The following GRIK4 variants were observed in gnomAD, a reference collection of about 807,000 sequenced individuals.
GRIK4 encodes glutamate receptor ionotropic, kainate 4.
GRIK4 carries 40 observed loss-of-function variants against 104.9 expected under a neutral mutation model. That is an observed-to-expected ratio of 0.38 (90% CI 0.30 to 0.50). The LOEUF (loss-of-function observed/expected upper bound fraction) is 0.50. Ranked by LOEUF, GRIK4 falls within the 20% of genes least tolerant of loss-of-function variation. The pLI is 0.93. For missense variants in GRIK4, 1,047 were observed against 1,308.1 expected, an observed-to-expected ratio of 0.80 and a Z score of 3.08; for synonymous variants, 485 against 524.9, an observed-to-expected ratio of 0.92 and a Z score of 1.04.
intron 11 of GRIK4, among the ~76,000 whole-genome samples, chr11:120,884,354 G>A (rs919282910): frequency 1.3e-5 from 2 of 152,186 alleles, no homozygotes; most frequent in African/African-American, 2.4e-5. Flanking sequence ...TTTGTGTGCC[G>A]TATTCCCGGA....
chr11:120,784,025 C>T (rs2135479020), intron 3 of GRIK4, among the ~76,000 whole-genome samples: 1 of 152,332 alleles, frequency 6.6e-6, no homozygotes, highest in Non-Finnish European at 1.5e-5. Flanking sequence ...TTCACACCCA[C>T]ATCCTAGATG....
At chr11:120,739,379 G>A (rs1042688642) in intron 3 of GRIK4, among the ~76,000 whole-genome samples, 7 of 152,166 alleles carry the variant, frequency 4.6e-5, no homozygotes, top group Non-Finnish European at 7.3e-5. Flanking sequence ...CTGCTTTGCT[G>A]CCCTCTGTGT....
chr11:120,711,804 C>T (rs1007041331), intron 3 of GRIK4, among the ~76,000 whole-genome samples: 1 of 152,214 alleles, frequency 6.6e-6, no homozygotes, highest in Non-Finnish European at 1.5e-5. Flanking sequence ...CCAGTGCCCT[C>T]AGGCCAGGAC....
In GRIK4 at chr11:120,940,279, T is replaced by C; in HGVS notation, c.1477-68T>C. ...CATCTCCAATAGCAGTGACGGTTGC[T>C]GGTCGCAAGTCTCTGTGCCTCTTCT... On this transcript the variant is annotated intron_variant, in intron 13 of 20. Transcript: ENST00000527524. The surrounding 1 kb of genome is among the most constrained non-coding windows in gnomAD (Gnocchi z 4.3). The C allele has an allele frequency of 8.7e-6, 8 of 914,386 alleles. No homozygotes were observed. The highest frequency in any genetic ancestry group is 1.4e-5 in the Non-Finnish European group (8 of 562,652). The allele number at this position is 914,386 out of a possible 1,614,324, so 56.6% of individuals were successfully genotyped here.
rs116483839 is a variant in GRIK4 at position 120,570,872 on chromosome 11, C to T, written c.-159+58985C>T. Among the ~76,000 whole-genome samples, 480 of 152,324 alleles carry T rather than the reference C, an allele frequency of 3.2e-3. 1 individual carries two copies. The highest frequency in any genetic ancestry group is 0.011 in the African/African-American group (450 of 41,566). On this transcript the variant is annotated intron_variant, in intron 1 of 20. Transcript: ENST00000527524. The stretch of plus-strand genomic sequence containing the variant: ...TGAATAGTCAGAATTTACATTATAT[C>T]TGTGTGAATATTATTTACAACTATT...
intron 3 of GRIK4, among the ~76,000 whole-genome samples, chr11:120,796,607 A>G (rs1286046579): frequency 1.3e-5 from 2 of 152,042 alleles, no homozygotes; most frequent in Admixed American, 6.6e-5. Context: ...AGGGAAAGGG[A>G]GAACAAGGGA....
chr11:120,521,390 T>C (rs1663390651), intron 1 of GRIK4, among the ~76,000 whole-genome samples: 3 of 152,230 alleles, frequency 2.0e-5, no homozygotes, highest in East Asian at 3.9e-4. Flanking sequence ...CACTTTCTGA[T>C]GGTAGTCACA....
Position 120,986,031 on chromosome 11 carries a change from C to A in GRIK4, c.2642C>A (p.Pro881Gln), listed in dbSNP as rs1376929885. ...PRPPIPEERR[P>Q]RGTATLSNGK... is the part of the protein sequence containing the mutation. ...CCCCCCATCCCCGAGGAGCGCCGAC[C>A]GCGGGGCACGGCGACGCTCAGCAAC... is the stretch of plus-strand genomic sequence containing the variant. Residue 881 changes from proline to glutamine, a missense_variant, in exon 21 of 21, where the codon CCG becomes CAG. Pro to Gln is a moderately conservative substitution (Grantham distance 76). Transcript: ENST00000527524. The A allele has an allele frequency of 2.0e-6, 3 of 1,524,244 alleles. No individual in the cohort carries two copies. The highest frequency in any genetic ancestry group is 5.2e-5 in the East Asian group (2 of 38,212). The allele number at this position is 1,524,244 out of a possible 1,614,324, so 94.4% of individuals were successfully genotyped here.
chr11:120,957,579 A>C (rs1944185394), intron 16 of GRIK4, among the ~76,000 whole-genome samples: 6 of 66,034 alleles, frequency 9.1e-5, no homozygotes, highest in Admixed American at 8.1e-4. Context: ...GGGCAAAGGA[A>C]AGACAAAACA....
At chr11:120,837,191 G>A (rs1953596222) in intron 8 of GRIK4, among the ~76,000 whole-genome samples, 1 of 152,200 alleles carries the variant, frequency 6.6e-6, no homozygotes. Flanking sequence ...AAAAAGTCCT[G>A]TGAGGTTTAG....
chr11:120,698,494 G>C (rs1230856678), intron 3 of GRIK4, among the ~76,000 whole-genome samples: 1 of 152,222 alleles, frequency 6.6e-6, no homozygotes, highest in Non-Finnish European at 1.5e-5. Flanking sequence ...TGGATGAGAG[G>C]CATTAATGAG....
At chr11:120,879,634 CTG>C (rs1954909044) in intron 11 of GRIK4, among the ~76,000 whole-genome samples, 1 of 152,216 alleles carries the variant, frequency 6.6e-6, no homozygotes, top group Non-Finnish European at 1.5e-5. Flanking sequence ...GGAGCTTCTA[CTG>C]GAGATTGCAG....
chr11:120,609,057 A>T (rs1948999087), intron 1 of GRIK4, among the ~76,000 whole-genome samples: 2 of 152,214 alleles, frequency 1.3e-5, no homozygotes, highest in South Asian at 4.1e-4. Flanking sequence ...TGGGGTAATG[A>T]CATTTTAATT....
intron 6 of GRIK4, among the ~76,000 whole-genome samples, chr11:120,825,285 T>C (rs1953228612): frequency 6.6e-6 from 1 of 152,200 alleles, no homozygotes; most frequent in Non-Finnish European, 1.5e-5. Context: ...CCACATCTTC[T>C]GCTACTTATT....
intron 1 of GRIK4, among the ~76,000 whole-genome samples, chr11:120,637,240 C>T (rs1949409797): frequency 6.6e-6 from 1 of 152,120 alleles, no homozygotes; most frequent in Admixed American, 6.5e-5. Context: ...TTGAGGGAAG[C>T]AGGTGTCCTC....
rs543355574 is a variant in GRIK4, at chr11:120,844,512, G to A, written c.744+7668G>A. On this transcript the variant is annotated intron_variant, in intron 8 of 20. Coordinates refer to ENST00000527524, the MANE Select transcript of GRIK4 (RefSeq NM_014619.5). ...AATAAATATTGTATGAGTGAAGGGA[G>A]CATTCCATAACATCTGGAGTTCTTG... Among the ~76,000 whole-genome samples, 5 of 152,302 alleles carry A rather than the reference G, an allele frequency of 3.3e-5. No homozygotes were observed. In the East Asian group the frequency reaches 5.8e-4, roughly 18 times the overall value.
At chr11:120,562,693 G>A (rs1948254654) in intron 1 of GRIK4, among the ~76,000 whole-genome samples, 1 of 152,178 alleles carries the variant, frequency 6.6e-6, no homozygotes. Flanking sequence ...CAGGCTAAGG[G>A]TGCCAGGAAA....
Position 120,967,413 on chromosome 11 carries a change from TG to T in GRIK4, c.2395+91del. On this transcript the variant is annotated intron_variant, in intron 19 of 20. Coordinates refer to ENST00000527524, the MANE Select transcript of GRIK4 (RefSeq NM_014619.5). The surrounding 1 kb of genome is among the most constrained non-coding windows in gnomAD (Gnocchi z 4.2). Reference sequence around the variant, plus strand: ...CAAATTCCAGGTACACATAATGACTTGTAGGACCCATTGAGAACGGCCTTGG... The same window carrying T: ...CAAATTCCAGGTACACATAATGACTTTAGGACCCATTGAGAACGGCCTTGG... 1.4e-6 allele frequency: 2 copies of T among 1,393,368 alleles called. No homozygotes were observed. Among genetic ancestry groups the T allele is most frequent in the Non-Finnish European group, 2.0e-6 (2 of 1,023,932 alleles). The allele number at this position is 1,393,368 out of a possible 1,614,324, so 86.3% of individuals were successfully genotyped here.
chr11:120,734,461 A>G (rs1951189574), intron 3 of GRIK4, among the ~76,000 whole-genome samples: 1 of 152,090 alleles, frequency 6.6e-6, no homozygotes. Flanking sequence ...TGCTGCTTTT[A>G]GGATCCTTTC....
Sources: allele counts gnomAD v4.1 joint callset (sites outside exome capture counted in the v4.1 genomes callset), GRCh38; gene constraint gnomAD v4.1.1; non-coding constraint Gnocchi (gnomAD v3.1); transcripts MANE v1.5; gene names NCBI Gene and HGNC (gene_info 2026-07-23, HGNC 2026-07-21).